Variants in NFIA observed in about 807,000 individuals in gnomAD.
NFIA encodes the protein nuclear factor I A.
In NFIA, 8 loss-of-function variants were observed where a neutral mutation model predicts 62.8. The observed-to-expected ratio is 0.13, with a 90% CI of 0.07 to 0.23. NFIA has a LOEUF of 0.23. NFIA is among the 10% of genes least tolerant of loss of function. NFIA has a pLI of 1.00. For synonymous variants in NFIA, 235 were observed against 238.1 expected (o/e 0.99, Z 0.12); for missense variants, 410 against 642.1 (o/e 0.64, Z 3.91).
intron 2 of NFIA, among the ~76,000 whole-genome samples, chr1:61,274,053 A>G (rs1204411196): frequency 2.0e-5 from 3 of 152,190 alleles, no homozygotes; most frequent in Non-Finnish European, 2.9e-5. Flanking sequence ...CCGTTCTTGC[A>G]TTGTACAAGC....
chr1:61,292,813 C>G (rs1658973975), intron 3 of NFIA, among the ~76,000 whole-genome samples: 1 of 152,152 alleles, frequency 6.6e-6, no homozygotes, highest in Non-Finnish European at 1.5e-5. Flanking sequence ...AAATCTAAAG[C>G]CTATCCCAGT....
chr1:61,193,520 T>A (rs563940145), intron 2 of NFIA, among the ~76,000 whole-genome samples: 5 of 152,352 alleles, frequency 3.3e-5, no homozygotes, highest in African/African-American at 1.2e-4. Flanking sequence ...AAATAGTTTT[T>A]AATGTATGGT....
chr1:61,404,339 A>G, intron 8 of NFIA, 57 bp downstream of exon 8: 1 of 1,480,054 alleles, frequency 6.8e-7, no homozygotes, highest in Non-Finnish European at 9.1e-7. Flanking sequence ...TATAAAAATA[A>G]CAAGGGGAGA....
chr1:61,374,473 C>T (rs1053244267), intron 6 of NFIA, among the ~76,000 whole-genome samples: 1 of 152,068 alleles, frequency 6.6e-6, no homozygotes, highest in African/African-American at 2.4e-5. Context: ...GGAAATCCCC[C>T]AACTAGTCAA....
At position 61,458,034 on chromosome 1, in the gene NFIA, CAT is replaced by C. The variant is rs1557457412; in HGVS notation, c.*2717_*2718del. The C allele has an allele frequency of 6.6e-6, 1 of 151,854 alleles. No individual in the cohort carries two copies. Among genetic ancestry groups the C allele is most frequent in the Non-Finnish European group, 1.5e-5 (1 of 67,988 alleles). The allele number at this position is 151,854 out of a possible 1,614,324, so 9.4% of individuals were successfully genotyped here. ...AATAAAATAAAACATTTTGGATTTT[CAT>C]ATGTGTCTGATAAGTGGTTGAATAG... On this transcript the variant is annotated 3_prime_UTR_variant, in exon 11 of 11. Transcript: ENST00000403491.
chr1:61,333,052 C>T (rs1249889255), intron 4 of NFIA, among the ~76,000 whole-genome samples: 1 of 147,710 alleles, frequency 6.8e-6, no homozygotes, highest in African/African-American at 2.6e-5. Context: ...TGCACGCACA[C>T]ACACACACAC....
intron 2 of NFIA, among the ~76,000 whole-genome samples, chr1:61,229,664 T>C (rs551938571): frequency 1.1e-4 from 16 of 152,272 alleles, no homozygotes; most frequent in Admixed American, 6.5e-4. Flanking sequence ...GTGTCTTTCC[T>C]TCCTCCCCAA....
intron 2 of NFIA, among the ~76,000 whole-genome samples, chr1:61,253,947 A>G (rs334690): frequency 0.075 from 11,341 of 152,038 alleles, 528 homozygotes; most frequent in East Asian, 0.16. Flanking sequence ...TATTTTTAAA[A>G]CTTTTTTTTT....
At chr1:61,374,408 A>T (rs2100468851) in intron 6 of NFIA, among the ~76,000 whole-genome samples, 1 of 151,996 alleles carries the variant, frequency 6.6e-6, no homozygotes, top group Non-Finnish European at 1.5e-5. Context: ...ATGTAACACA[A>T]TTTTTTTTAT....
intron 2 of NFIA, among the ~76,000 whole-genome samples, chr1:61,162,371 C>T (rs1227467930): frequency 2.0e-5 from 3 of 152,160 alleles, no homozygotes; most frequent in African/African-American, 7.2e-5. Context: ...GGAAACTGTG[C>T]ACGTAGTTCG....
intron 2 of NFIA, among the ~76,000 whole-genome samples, chr1:61,149,572 G>A (rs1467284792): frequency 2.0e-5 from 3 of 152,114 alleles, no homozygotes; most frequent in Non-Finnish European, 4.4e-5. Flanking sequence ...AGAGCTATAG[G>A]GCAGTATTAA....
At chr1:61,284,790 T>TC (rs1474942727) in intron 3 of NFIA, among the ~76,000 whole-genome samples, 1 of 150,486 alleles carries the variant, frequency 6.6e-6, no homozygotes. Flanking sequence ...CCCTCCCCAC[T>TC]CCCCCCACCT....
chr1:61,283,330 G>A (rs1658251077), intron 3 of NFIA, among the ~76,000 whole-genome samples: 1 of 151,808 alleles, frequency 6.6e-6, no homozygotes, highest in Admixed American at 6.6e-5. Flanking sequence ...TAGCACTTTG[G>A]GAGGCCAAGG....
At chr1:61,360,363 C>G (rs1324262446) in intron 6 of NFIA, among the ~76,000 whole-genome samples, 2 of 152,178 alleles carry the variant, frequency 1.3e-5, no homozygotes, top group Non-Finnish European at 2.9e-5. Flanking sequence ...GTTGGAGTGC[C>G]AACCTGGCTT....
intron 2 of NFIA, among the ~76,000 whole-genome samples, chr1:61,164,605 G>A (rs1468211038): frequency 6.6e-6 from 1 of 151,990 alleles, no homozygotes; most frequent in Non-Finnish European, 1.5e-5. Context: ...GACTACAGCC[G>A]CCCGCCGCCA....
intron 2 of NFIA, among the ~76,000 whole-genome samples, chr1:61,140,346 A>ATT (rs780721575): frequency 1.0e-3 from 28 of 27,380 alleles, no homozygotes; most frequent in East Asian, 1.0e-3. Context: ...ATCTGGCTGT[A>ATT]TTTTTTTTTT....
At position 61,462,121 on chromosome 1, in the gene NFIA, A is replaced by T. The variant is rs1229224667; in HGVS notation, c.*6801A>T. ...AAGGCCGCTAGCTCCGCTGGGACAG[A>T]GGCTTGAGAGAACTAACGGCTCGGT... is the stretch of plus-strand genomic sequence containing the variant. On this transcript the variant is annotated 3_prime_UTR_variant, in exon 11 of 11. Coordinates refer to ENST00000403491, the MANE Select transcript of NFIA (RefSeq NM_001134673.4). 6.9e-6 allele frequency: 1 copy of T among 145,284 alleles called. No individual in the cohort carries two copies. The highest frequency in any genetic ancestry group is 3.6e-3 in the Middle Eastern group (1 of 274). 9.0% of individuals were successfully genotyped at this position (145,284 alleles called of 1,614,324 possible).
chr1:61,274,019 T>C (rs779662781), intron 2 of NFIA, among the ~76,000 whole-genome samples: 13 of 152,230 alleles, frequency 8.5e-5, no homozygotes, highest in Non-Finnish European at 1.3e-4. Flanking sequence ...TATGTGTACA[T>C]GTAGCAAATC....
chr1:61,313,022 G>C (rs1660196176), intron 3 of NFIA, among the ~76,000 whole-genome samples: 1 of 152,116 alleles, frequency 6.6e-6, no homozygotes, highest in Admixed American at 6.5e-5. Context: ...CAGAAATATA[G>C]TAAATTAAGT....
Sources: allele counts gnomAD v4.1 joint callset (sites outside exome capture counted in the v4.1 genomes callset), GRCh38; gene constraint gnomAD v4.1.1; transcripts MANE v1.5; gene names NCBI Gene and HGNC (gene_info 2026-07-23, HGNC 2026-07-21).